Variants in PLEKHG7 observed in about 807,000 individuals in gnomAD.
PLEKHG7 encodes the protein pleckstrin homology and RhoGEF domain containing G7.
A neutral mutation model predicts 85.2 loss-of-function variants in PLEKHG7; 77 were observed. The observed-to-expected ratio is 0.90, with a 90% confidence interval of 0.75 to 1.09. The LOEUF (loss-of-function observed/expected upper bound fraction) is 1.09. Among genes scored for constraint, PLEKHG7 ranks in the 50% least tolerant of loss-of-function variants. The pLI is 0.00. For synonymous variants in PLEKHG7, 301 were observed against 302.4 expected, an observed-to-expected ratio of 1.00 and a Z score of 0.05; for missense variants, 777 against 804.3, an observed-to-expected ratio of 0.97 and a Z score of 0.41.
chr12:92,721,686 T>G (rs1871646848), intron 3 of PLEKHG7, among the ~76,000 whole-genome samples: 1 of 43,448 alleles, frequency 2.3e-5, no homozygotes, highest in African/African-American at 9.8e-5. Context: ...AGAACCAGAA[T>G]AGCCAAGCAT....
At chr12:92,737,636 G>A in intron 7 of PLEKHG7, 115 bp downstream of exon 7, 5 of 980,674 alleles carry the variant, frequency 5.1e-6, no homozygotes, top group Admixed American at 2.7e-5. Context: ...GAAAGAAAGA[G>A]AAAGAGAGAC....
At chr12:92,735,105 G>A (rs17194345) in intron 5 of PLEKHG7, among the ~76,000 whole-genome samples, 9,854 of 152,248 alleles carry the variant, frequency 0.065, 436 homozygotes, top group Non-Finnish European at 0.1. Flanking sequence ...TTCAAAACAC[G>A]GGGTTGGCAC....
intron 14 of PLEKHG7, 131 bp from the exon 15 acceptor site, chr12:92,763,910 T>C (rs771805670): frequency 1.1e-5 from 7 of 614,120 alleles, no homozygotes; most frequent in Non-Finnish European, 1.8e-5. Flanking sequence ...CCAGAAAGAG[T>C]AGTAAGATTT....
At position 92,748,792 on chromosome 12, in the gene PLEKHG7, G is replaced by C. The variant is rs143817661; in HGVS notation, c.1251+3201G>C. ...ACTATTTCCAATTCCTTGGGGCTAT[G>C]ACCCATCACCATGGAACTATTAGCC... On this transcript the variant is annotated intron_variant, in intron 10 of 16. Coordinates refer to ENST00000344636, the MANE Select transcript of PLEKHG7 (RefSeq NM_001377329.1). 3.3e-5 allele frequency among the ~76,000 whole-genome samples: 5 copies of C among 152,308 alleles called. 1 individual carries two copies. The highest frequency in any genetic ancestry group is 3.3e-4 in the Admixed American group (5 of 15,298).
chr12:92,735,516 C>T (rs986323327), intron 5 of PLEKHG7, among the ~76,000 whole-genome samples: 3 of 152,188 alleles, frequency 2.0e-5, no homozygotes, highest in African/African-American at 7.2e-5. Context: ...CAATATCGTG[C>T]ACTCTGAGGC....
chr12:92,761,686 G>GAAA, intron 13 of PLEKHG7, 66 bp from the exon 14 acceptor site: 2 of 1,384,674 alleles, frequency 1.4e-6, no homozygotes, highest in Non-Finnish European at 9.3e-7. Flanking sequence ...AAGAAAGAAA[G>GAAA]GGAAAGAAAA....
intron 7 of PLEKHG7, among the ~76,000 whole-genome samples, chr12:92,737,897 T>C (rs1872224062): frequency 6.6e-6 from 1 of 152,236 alleles, no homozygotes; most frequent in African/African-American, 2.4e-5. Context: ...ACTTTAACAT[T>C]GGATGAGATC....
Position 92,755,998 on chromosome 12 carries a change from T to C in PLEKHG7, c.1542+58T>C, listed in dbSNP as rs533027564. ...CATTTCTGGAATTTGGGCATTCAGA[T>C]AGAAATACAATCATCTTAGATGTCC... is the stretch of plus-strand genomic sequence containing the variant. On this transcript the variant is annotated intron_variant, in intron 12 of 16. Transcript: ENST00000344636. 1.5e-5 allele frequency: 18 copies of C among 1,180,538 alleles called. 1 individual carries two copies. The highest frequency in any genetic ancestry group is 7.8e-5 in the South Asian group (6 of 76,808). The allele number at this position is 1,180,538 out of a possible 1,614,324, so 73.1% of individuals were successfully genotyped here.
chr12:92,715,681 C>A (rs576932371), intron 3 of PLEKHG7, among the ~76,000 whole-genome samples: 22 of 145,538 alleles, frequency 1.5e-4, no homozygotes, highest in African/African-American at 5.6e-4. Flanking sequence ...CTGCATGAGG[C>A]CCCACTGTCT....
At chr12:92,753,691 C>T (rs117506121) in intron 10 of PLEKHG7, among the ~76,000 whole-genome samples, 2,433 of 152,278 alleles carry the variant, frequency 0.016, 29 homozygotes, top group South Asian at 0.041. Flanking sequence ...AAGGAACTGA[C>T]CCAACAAGCA....
chr12:92,770,170 T>C lies in PLEKHG7; in HGVS notation c.2051T>C (p.Leu684Ser). The stretch of plus-strand genomic sequence containing the variant: ...ACCAAGAAAATATCTTTATTCACAT[T>C]GCCCGCAGAATCCTCTGAAATTTAG... ...QETKKISLFT[L>S]PAESSEI is the part of the protein sequence containing the mutation. The change falls in exon 17 of 17, where the codon TTG becomes TCG. Residue 684 changes from leucine (L) to serine (S), a missense_variant. Leu to Ser is a moderately radical substitution (Grantham distance 145). This residue lies in a region of PLEKHG7 where 520 missense variants were observed against 544.0 expected (regional missense o/e 0.96). Coordinates refer to ENST00000344636, the MANE Select transcript of PLEKHG7 (RefSeq NM_001377329.1). 4.4e-6 allele frequency: 7 copies of C among 1,605,238 alleles called. No homozygotes were observed. The highest frequency in any genetic ancestry group is 5.1e-6 in the Non-Finnish European group (6 of 1,175,100).
At chr12:92,746,435 C>T (rs898310649) in intron 10 of PLEKHG7, among the ~76,000 whole-genome samples, 6 of 152,080 alleles carry the variant, frequency 3.9e-5, no homozygotes, top group Admixed American at 1.3e-4. Context: ...GTGCCAAGGA[C>T]GAGAAAAGGG....
At chr12:92,743,539 T>TAA (rs2136607909) in intron 9 of PLEKHG7, among the ~76,000 whole-genome samples, 1 of 148,682 alleles carries the variant, frequency 6.7e-6, no homozygotes, top group East Asian at 2.0e-4. Context: ...GCCTGACCAT[T>TAA]AATGACTCTA....
rs771071760 is a variant in PLEKHG7, at chr12:92,769,055, T to C, written c.1943T>C (p.Leu648Ser). 6.3e-7 allele frequency: 1 copy of C among 1,597,212 alleles called. No individual in the cohort carries two copies. The highest frequency in any genetic ancestry group is 8.6e-7 in the Non-Finnish European group (1 of 1,166,834). The change falls in exon 16 of 17, where the codon TTA becomes TCA. Residue 648 changes from leucine (L) to serine (S), a missense_variant. Transcript: ENST00000344636. ...RYRQCIAAFL[L>S]QAQTENIKKT... The stretch of plus-strand genomic sequence containing the variant: ...CGACAGTGTATAGCAGCATTCTTAT[T>C]ACAAGCCCAAACGGAAAACATCAAA...
intron 3 of PLEKHG7, among the ~76,000 whole-genome samples, chr12:92,726,869 G>C (rs1369229201): frequency 6.6e-6 from 1 of 152,204 alleles, no homozygotes. Flanking sequence ...AATAAAAGTA[G>C]CTGACTTTAA....
chr12:92,752,929 G>T (rs1044892624), intron 10 of PLEKHG7, among the ~76,000 whole-genome samples: 2 of 152,126 alleles, frequency 1.3e-5, no homozygotes, highest in Admixed American at 6.5e-5. Context: ...TGAAAAGAGA[G>T]CTAGAGAGCT....
At chr12:92,720,075 T>A (rs55885284) in intron 3 of PLEKHG7, among the ~76,000 whole-genome samples, 35,684 of 151,970 alleles carry the variant, frequency 0.23, 4,982 homozygotes, top group East Asian at 0.51. Context: ...TTCCTGTGGC[T>A]GCTATGATAA....
chr12:92,721,233 C>T (rs561155520), intron 3 of PLEKHG7, among the ~76,000 whole-genome samples: 1 of 152,344 alleles, frequency 6.6e-6, no homozygotes, highest in East Asian at 1.9e-4. Context: ...TTGAGGTCTA[C>T]TGGGGGACCC....
chr12:92,744,226 G>A (rs867958352), intron 9 of PLEKHG7, among the ~76,000 whole-genome samples: 1 of 152,146 alleles, frequency 6.6e-6, no homozygotes, highest in Non-Finnish European at 1.5e-5. Flanking sequence ...ATTGGGATAC[G>A]ATTGGAAATT....
Sources: allele counts gnomAD v4.1 joint callset (sites outside exome capture counted in the v4.1 genomes callset), GRCh38; gene constraint gnomAD v4.1.1; regional missense constraint gnomAD v4.1.1; transcripts MANE v1.5; gene names NCBI Gene and HGNC (gene_info 2026-07-23, HGNC 2026-07-21).